LGALS8: variants seen among roughly 807,000 people sequenced by gnomAD.
The protein encoded by LGALS8 is galectin 8, also known as galectin-8.
Under a neutral mutation model 35.9 loss-of-function variants are expected in LGALS8, and 30 were observed. The observed-to-expected ratio is 0.83, with a 90% CI of 0.62 to 1.13. The LOEUF (loss-of-function observed/expected upper bound fraction) is 1.13, where lower values mean the gene tolerates loss of function less well. Ranked by LOEUF, LGALS8 falls within the 50% of genes most tolerant of loss-of-function variation. The probability of loss-of-function intolerance (pLI) is 0.00; values close to 1 mark genes in which losing one functional copy is unlikely to be tolerated. For synonymous variants in LGALS8, 138 were observed against 136.1 expected (o/e 1.01, Z -0.10); for missense variants, 366 against 388.7 (o/e 0.94, Z 0.49).
chr1:236,539,026 C>T lies in LGALS8; in HGVS notation c.282C>T (p.Asp94=). 1 of 1,614,152 alleles carries T rather than the reference C, an allele frequency of 6.2e-7. No individual in the cohort carries two copies. Among genetic ancestry groups the T allele is most frequent in the South Asian group, 1.1e-5 (1 of 91,082 alleles). Residue 94 remains aspartate, a synonymous_variant, in exon 4 of 10, where the codon GAC becomes GAT. Transcript: ENST00000366584. The part of the protein sequence containing the change: ...EKWGREEITY[D]TPFKREKSFE... ...GGGGACGGGAAGAGATCACCTATGA[C>T]ACGCCTTTCAAAAGAGAAAAGTCTT... is the stretch of plus-strand genomic sequence containing the variant.
chr1:236,542,636 C>G, intron 6 of LGALS8, 125 bp from the exon 7 acceptor site: 1 of 970,352 alleles, frequency 1.0e-6, no homozygotes, highest in Admixed American at 1.7e-5. Context: ...CTGGAGGTCA[C>G]ACCAGAGTGG....
At chr1:236,544,957 C>T in intron 9 of LGALS8, 42 bp downstream of exon 9, 1 of 1,494,820 alleles carries the variant, frequency 6.7e-7, no homozygotes, top group South Asian at 1.2e-5. Context: ...AATAAGAATC[C>T]TGGGAGCAGG....
chr1:236,540,254 G>T (rs906465853), intron 4 of LGALS8: 103 of 247,374 alleles, frequency 4.2e-4, no homozygotes, highest in African/African-American at 2.2e-3. Flanking sequence ...GCTTCCAGGC[G>T]ACCTTCGAAC....
At chr1:236,524,638 T>C (rs951760153) in intron 1 of LGALS8, 2 of 351,098 alleles carry the variant, frequency 5.7e-6, no homozygotes, top group Non-Finnish European at 1.1e-5. Flanking sequence ...GCATACGAAG[T>C]GTTCATGCTG....
intron 2 of LGALS8, among the ~76,000 whole-genome samples, chr1:236,533,969 CCT>C (rs1491110579): frequency 1.8e-5 from 1 of 54,708 alleles, no homozygotes; most frequent in Non-Finnish European, 5.4e-5. Context: ...TATAGCTGCC[CCT>C]GACCCCGGAT....
intron 2 of LGALS8, among the ~76,000 whole-genome samples, chr1:236,534,955 G>A (rs1215060170): frequency 7.5e-6 from 1 of 134,046 alleles, no homozygotes; most frequent in East Asian, 2.1e-4. Flanking sequence ...CAGCTACTTG[G>A]ATGGCTGAGG....
chr1:236,539,216 T>C, intron 4 of LGALS8, 127 bp downstream of exon 4: 1 of 802,804 alleles, frequency 1.2e-6, no homozygotes, highest in South Asian at 1.7e-5. Context: ...GGCTTTGTAG[T>C]TTTTCTCCAT....
At chr1:236,529,146 G>T (rs115093251) in intron 2 of LGALS8, among the ~76,000 whole-genome samples, 374 of 152,118 alleles carry the variant, frequency 2.5e-3, no homozygotes, top group African/African-American at 7.9e-3. Context: ...GGATTGTGGC[G>T]CATGTCTGTA....
rs74680187 is a variant in LGALS8, at chr1:236,527,689, C to CA, written c.45+1583dup. Among the ~76,000 whole-genome samples, 754 of 150,302 alleles carry CA rather than the reference C, an allele frequency of 5.0e-3. 10 individuals are homozygous for CA. Among genetic ancestry groups the CA allele is most frequent in the African/African-American group, 0.017 (693 of 40,714 alleles). The stretch of plus-strand genomic sequence containing the variant: ...GTAGCTAGTTGCCCTTTCAATGTTC[C>CA]AAAAAAAAAGGCTGTAAATAACTTA... On this transcript the variant is annotated intron_variant, in intron 2 of 9. Coordinates refer to ENST00000366584, the MANE Select transcript of LGALS8 (RefSeq NM_201544.4).
chr1:236,544,734 C>A lies in LGALS8; in HGVS notation c.639-16C>A, dbSNP rs756662342. 4.8e-6 allele frequency: 7 copies of A among 1,450,348 alleles called. No homozygotes were observed. The highest frequency in any genetic ancestry group is 4.8e-5 in the Admixed American group (2 of 41,446). The allele number at this position is 1,450,348 out of a possible 1,614,324, so 89.8% of individuals were successfully genotyped here. A position where few individuals can be genotyped will look rare whatever the true frequency, so the allele number is the denominator to read the frequency against. ...TTGGTTAATTAAGGTTTTTTTTTTT[C>A]TTTCTTTCTCAAAAGCTTTAATGTT... On this transcript the variant is annotated splice_polypyrimidine_tract_variant and intron_variant, in intron 8 of 9. Coordinates refer to ENST00000366584, the MANE Select transcript of LGALS8 (RefSeq NM_201544.4).
chr1:236,535,220 GA>G (rs1384786267), intron 2 of LGALS8, among the ~76,000 whole-genome samples: 2 of 151,800 alleles, frequency 1.3e-5, no homozygotes, highest in South Asian at 2.1e-4. Flanking sequence ...AATATATGAA[GA>G]AAAAAATTAA....
chr1:236,524,563 G>C, intron 1 of LGALS8: 1 of 385,454 alleles, frequency 2.6e-6, no homozygotes, highest in Non-Finnish European at 5.3e-6. Flanking sequence ...GTTAAACATT[G>C]CAAAGCGCAA....
intron 2 of LGALS8, among the ~76,000 whole-genome samples, chr1:236,532,724 A>C (rs1199362928): frequency 1.3e-5 from 2 of 152,118 alleles, no homozygotes. Flanking sequence ...GGCACCTGTA[A>C]TCCCAGCTAT....
chr1:236,527,067 A>G (rs1462147681), intron 2 of LGALS8, among the ~76,000 whole-genome samples: 1 of 152,152 alleles, frequency 6.6e-6, no homozygotes, highest in East Asian at 1.9e-4. Context: ...GACTTTGCGC[A>G]TGTTAGAGTT....
chr1:236,532,836 C>T (rs1661225035), intron 2 of LGALS8, among the ~76,000 whole-genome samples: 1 of 147,000 alleles, frequency 6.8e-6, no homozygotes, highest in African/African-American at 2.6e-5. Context: ...AAAAGTGAAA[C>T]TCCATCTCAA....
chr1:236,546,260 T>C (rs1572020792), intron 9 of LGALS8, among the ~76,000 whole-genome samples: 1 of 152,328 alleles, frequency 6.6e-6, no homozygotes, highest in East Asian at 1.9e-4. Flanking sequence ...TTTTGAACAA[T>C]CGTCTTTTCC....
At chr1:236,544,717 TTAAGG>T in intron 8 of LGALS8, 28 bp from the exon 9 acceptor site, 2 of 1,489,602 alleles carry the variant, frequency 1.3e-6, no homozygotes, top group Non-Finnish European at 1.8e-6. Context: ...ACTTGGTTAA[TTAAGG>T]TTTTTTTTTT....
At chr1:236,544,408 T>G (rs1662227226) in intron 8 of LGALS8, among the ~76,000 whole-genome samples, 1 of 152,240 alleles carries the variant, frequency 6.6e-6, no homozygotes, top group Non-Finnish European at 1.5e-5. Context: ...GGGTAGATGA[T>G]GAAAAGAGAA....
intron 2 of LGALS8, among the ~76,000 whole-genome samples, chr1:236,534,279 C>T (rs1300380464): frequency 2.0e-5 from 3 of 152,074 alleles, no homozygotes; most frequent in Non-Finnish European, 4.4e-5. Context: ...GTTATGTTTC[C>T]TGGGTGTCTG....
Sources: allele counts gnomAD v4.1 joint callset (sites outside exome capture counted in the v4.1 genomes callset), GRCh38; gene constraint gnomAD v4.1.1; transcripts MANE v1.5; gene names NCBI Gene and HGNC (gene_info 2026-07-23, HGNC 2026-07-21).